QKI: variants seen among roughly 807,000 people sequenced by gnomAD.
QKI encodes KH domain-containing RNA-binding protein QKI.
In QKI, 10 loss-of-function variants were observed where a neutral mutation model predicts 39.0. The ratio of observed to expected loss-of-function variants is 0.26; its 90% CI spans 0.16 to 0.43. QKI has a LOEUF of 0.43. QKI is among the 20% of genes least tolerant of loss of function. The probability of loss-of-function intolerance (pLI) is 1.00; values close to 1 mark genes in which losing one functional copy is unlikely to be tolerated. For missense variants in QKI, 218 were observed against 428.0 expected (o/e 0.51, Z 4.33); for synonymous variants, 204 against 155.4 (o/e 1.31, Z -2.33).
In QKI at chr6:163,563,739, G is replaced by A. The variant is rs1238040876; in HGVS notation, c.934+20G>A. The A allele has an allele frequency of 6.3e-7, 1 of 1,596,916 alleles. No homozygotes were observed. The highest frequency in any genetic ancestry group is 1.7e-5 in the Admixed American group (1 of 57,746). The stretch of plus-strand genomic sequence containing the variant: ...TATTAGGTAAGTTCTTCTCCCCATG[G>A]GGTTAACAACATTCTCTTTATAAAT... On this transcript the variant is annotated intron_variant, in intron 6 of 7. Coordinates refer to ENST00000361752, the MANE Select transcript of QKI (RefSeq NM_006775.3).
At chr6:163,449,367 CCTTT>C (rs1248051967) in intron 1 of QKI, among the ~76,000 whole-genome samples, 1 of 152,096 alleles carries the variant, frequency 6.6e-6, no homozygotes, top group Non-Finnish European at 1.5e-5. Flanking sequence ...CCTTTTCATT[CCTTT>C]ATTAGCTCCT....
At chr6:163,569,621 C>G in intron 7 of QKI, 1 of 1,008,334 alleles carries the variant, frequency 9.9e-7, no homozygotes, top group South Asian at 3.8e-5. Context: ...AACTTTTCCA[C>G]TTGAGAACTA....
chr6:163,447,169 T>G (rs1238803696), intron 1 of QKI, among the ~76,000 whole-genome samples: 1 of 151,980 alleles, frequency 6.6e-6, no homozygotes, highest in Non-Finnish European at 1.5e-5. Context: ...TGTGACTTGG[T>G]CCAGTTTCTT....
intron 3 of QKI, among the ~76,000 whole-genome samples, chr6:163,481,210 G>A (rs1469122173): frequency 6.6e-6 from 1 of 152,108 alleles, no homozygotes; most frequent in Admixed American, 6.5e-5. Context: ...CTTTTCTACA[G>A]AGTTGTCCAT....
intron 3 of QKI, among the ~76,000 whole-genome samples, chr6:163,489,227 TTA>T (rs2128227980): frequency 6.6e-6 from 1 of 152,000 alleles, no homozygotes; most frequent in South Asian, 2.1e-4. Flanking sequence ...AGTTGCTAGT[TTA>T]TGTTTGAATA....
At chr6:163,528,073 A>G (rs1004760207) in intron 3 of QKI, among the ~76,000 whole-genome samples, 2 of 152,142 alleles carry the variant, frequency 1.3e-5, no homozygotes, top group Non-Finnish European at 2.9e-5. Flanking sequence ...AGTTCTTGAC[A>G]TTATTCTGGA....
intron 3 of QKI, among the ~76,000 whole-genome samples, chr6:163,502,489 G>C (rs1190572628): frequency 6.6e-6 from 1 of 152,130 alleles, no homozygotes; most frequent in Non-Finnish European, 1.5e-5. Context: ...TTTAAACTCT[G>C]AGAGAGCAAG....
At chr6:163,528,683 T>G (rs1780665236) in intron 3 of QKI, among the ~76,000 whole-genome samples, 1 of 152,210 alleles carries the variant, frequency 6.6e-6, no homozygotes, top group Non-Finnish European at 1.5e-5. Context: ...ATAGTATACT[T>G]GTCAAGAATA....
chr6:163,514,575 G>A (rs577407290), intron 3 of QKI, among the ~76,000 whole-genome samples: 1 of 152,242 alleles, frequency 6.6e-6, no homozygotes, highest in African/African-American at 2.4e-5. Context: ...ATAATTGTCT[G>A]TATGACTGAG....
At chr6:163,537,892 T>C (rs921204491) in intron 4 of QKI, among the ~76,000 whole-genome samples, 9 of 152,222 alleles carry the variant, frequency 5.9e-5, no homozygotes, top group African/African-American at 1.7e-4. Flanking sequence ...AAAGATTTTT[T>C]AGTGGTGCCT....
At chr6:163,455,642 C>T (rs1562450818) in intron 2 of QKI, among the ~76,000 whole-genome samples, 2 of 152,264 alleles carry the variant, frequency 1.3e-5, no homozygotes, top group East Asian at 3.9e-4. Flanking sequence ...ATGGTATAGA[C>T]TCTTGGGTTT....
intron 1 of QKI, among the ~76,000 whole-genome samples, chr6:163,428,083 T>C (rs1327806055): frequency 1.3e-5 from 2 of 152,190 alleles, no homozygotes; most frequent in Non-Finnish European, 2.9e-5. Flanking sequence ...TTTGCCAGAA[T>C]AGGAAAATGT....
chr6:163,422,333 CT>C (rs1236488833), intron 1 of QKI, among the ~76,000 whole-genome samples: 2 of 152,074 alleles, frequency 1.3e-5, no homozygotes, highest in African/African-American at 4.8e-5. Flanking sequence ...AATTTTGAGG[CT>C]GGGGAAATGA....
intron 3 of QKI, among the ~76,000 whole-genome samples, chr6:163,513,384 A>C (rs1487391949): frequency 2.0e-5 from 3 of 152,204 alleles, no homozygotes; most frequent in African/African-American, 7.2e-5. Flanking sequence ...CATAAAATAC[A>C]CAAAACAAAA....
chr6:163,535,304 G>A (rs985726801), intron 4 of QKI, among the ~76,000 whole-genome samples, 179 bp downstream of exon 4: 3 of 152,048 alleles, frequency 2.0e-5, no homozygotes, highest in African/African-American at 7.2e-5. Flanking sequence ...TTCGTATTTA[G>A]GGGTCCTTAG....
intron 3 of QKI, among the ~76,000 whole-genome samples, chr6:163,497,639 TAAAA>T (rs57352765): frequency 6.7e-6 from 1 of 148,412 alleles, no homozygotes; most frequent in Non-Finnish European, 1.5e-5. Flanking sequence ...TATTGTTTGT[TAAAA>T]AAAAAAAATC....
chr6:163,565,090 T>C (rs982367319), intron 6 of QKI: 15 of 1,033,294 alleles, frequency 1.5e-5, no homozygotes, highest in Non-Finnish European at 1.7e-5. Context: ...ACATGTTTTC[T>C]GTTTAAATCA....
At position 163,451,858 on chromosome 6, in the gene QKI, A is replaced by G. The variant is rs1395805765; in HGVS notation, c.143-3421A>G. On this transcript the variant is annotated intron_variant, in intron 1 of 7. Transcript: ENST00000361752. ...TGAAGCTATTACTTACAAAAGGACT[A>G]AAGCATTTCCCAAACCCGTACTCGT... Among the ~76,000 whole-genome samples, 4 of 152,196 alleles carry G rather than the reference A, an allele frequency of 2.6e-5. No homozygotes were observed. In the East Asian group the frequency reaches 5.8e-4, roughly 22 times the overall value.
At chr6:163,462,235 C>T (rs1042032754) in intron 2 of QKI, among the ~76,000 whole-genome samples, 5 of 152,116 alleles carry the variant, frequency 3.3e-5, no homozygotes, top group African/African-American at 9.7e-5. Context: ...GGATTACAGG[C>T]GGGAGCCACT....
Sources: gnomAD v4.1 joint callset for allele counts (sites outside exome capture counted in the v4.1 genomes callset) on GRCh38, gnomAD v4.1.1 for gene constraint, MANE v1.5 for transcripts, NCBI Gene and HGNC (gene_info 2026-07-23, HGNC 2026-07-21) for gene names.